The following SLC24A4 variants were observed in gnomAD, a reference collection of about 807,000 sequenced individuals.
SLC24A4 encodes the protein solute carrier family 24 member 4.
In SLC24A4, 53 loss-of-function variants were observed where a neutral mutation model predicts 79.0. That is an observed-to-expected ratio of 0.67 (90% confidence interval 0.54 to 0.84). The LOEUF (loss-of-function observed/expected upper bound fraction) is 0.84, where lower values mean the gene tolerates loss of function less well. Ranked by LOEUF, SLC24A4 falls within the 40% of genes least tolerant of loss-of-function variation. The pLI is 0.00. For synonymous variants in SLC24A4, 323 were observed against 323.8 expected (o/e 1.00, Z 0.03); for missense variants, 731 against 822.0 (o/e 0.89, Z 1.35).
At chr14:92,439,309 C>A (rs1308738745) in intron 3 of SLC24A4, 26 bp from the exon 4 acceptor site, 4 of 1,606,110 alleles carry the variant, frequency 2.5e-6, no homozygotes, top group Non-Finnish European at 2.6e-6. Context: ...CTCACCGACC[C>A]TGCCTGTCTC....
intron 10 of SLC24A4, 192 bp from the exon 11 acceptor site, chr14:92,453,708 G>A: frequency 1.8e-6 from 1 of 543,126 alleles, no homozygotes; most frequent in East Asian, 3.3e-5. Flanking sequence ...TAGGTCAGCA[G>A]GTGTTTCAAA....
chr14:92,431,569 A>G (rs1252841745), intron 2 of SLC24A4, among the ~76,000 whole-genome samples: 3 of 152,192 alleles, frequency 2.0e-5, no homozygotes, highest in Admixed American at 6.5e-5. Context: ...GATCCCGGCT[A>G]TCAGCAGCCA....
chr14:92,421,669 G>A (rs1057027143), intron 2 of SLC24A4, among the ~76,000 whole-genome samples: 3 of 151,824 alleles, frequency 2.0e-5, no homozygotes, highest in Non-Finnish European at 4.4e-5. Context: ...CATCATGCCC[G>A]GCTAATTTTT....
intron 8 of SLC24A4, among the ~76,000 whole-genome samples, chr14:92,446,511 A>G (rs1403459985): frequency 2.6e-5 from 4 of 152,146 alleles, no homozygotes; most frequent in African/African-American, 7.2e-5. Context: ...GCTGTGTGCT[A>G]TGGGCCCCCA....
intron 2 of SLC24A4, among the ~76,000 whole-genome samples, chr14:92,404,550 C>A (rs1470272358): frequency 6.6e-6 from 1 of 152,196 alleles, no homozygotes; most frequent in East Asian, 1.9e-4. Flanking sequence ...CATGTCAGCC[C>A]TGGCTGTTCC....
intron 2 of SLC24A4, among the ~76,000 whole-genome samples, chr14:92,375,058 G>A (rs944348464): frequency 6.6e-6 from 1 of 152,184 alleles, no homozygotes; most frequent in Admixed American, 6.6e-5. Context: ...AGCAAGACCA[G>A]AGAAACATGA....
In SLC24A4 at chr14:92,471,947, G is replaced by A. The variant is rs551591370; in HGVS notation, c.1256-10733G>A. ...AGTCACTTTCTGAAGTTAACAGTGT[G>A]TATTAGGTCTATGTTCTTATTTTCT... On this transcript the variant is annotated intron_variant, in intron 12 of 16. Coordinates refer to ENST00000532405, the MANE Select transcript of SLC24A4 (RefSeq NM_153646.4). Among the ~76,000 whole-genome samples the A allele has an allele frequency of 3.3e-5, 5 of 152,334 alleles. No individual in the cohort carries two copies. In the South Asian group the frequency reaches 8.3e-4, roughly 25 times the overall value.
chr14:92,358,090 A>C (rs1887283187), intron 2 of SLC24A4, among the ~76,000 whole-genome samples: 1 of 152,202 alleles, frequency 6.6e-6, no homozygotes. Flanking sequence ...AGACAGGGAA[A>C]TTAAAGTTGG....
In SLC24A4 at chr14:92,388,463, C is replaced by T. The variant is rs921903008; in HGVS notation, c.242-45449C>T. ...GTGGTTCTCCAAAGCTCCCAGTGGC[C>T]GACTCTCGATCTTCTTTTTGGTTAA... On this transcript the variant is annotated intron_variant, in intron 2 of 16. Transcript: ENST00000532405. Among the ~76,000 whole-genome samples, 23 of 105,414 alleles carry T rather than the reference C, an allele frequency of 2.2e-4. No individual in the cohort carries two copies. In the Middle Eastern group the frequency reaches 0.022, roughly 103 times the overall value. 69.2% of individuals were successfully genotyped at this position (105,414 alleles called of 152,430 possible).
At chr14:92,462,086 A>C (rs1483207201) in intron 12 of SLC24A4, 5 of 152,232 alleles carry the variant, frequency 3.3e-5, no homozygotes, top group African/African-American at 1.2e-4. Context: ...GGGCTCCCCG[A>C]GTCACACAGC....
chr14:92,378,354 G>A (rs1452052387), intron 2 of SLC24A4, among the ~76,000 whole-genome samples: 1 of 152,158 alleles, frequency 6.6e-6, no homozygotes, highest in Non-Finnish European at 1.5e-5. Flanking sequence ...CATAGACAGG[G>A]CCAAATGGTT....
At chr14:92,388,344 T>G (rs2141728271) in intron 2 of SLC24A4, among the ~76,000 whole-genome samples, 1 of 152,278 alleles carries the variant, frequency 6.6e-6, no homozygotes, top group Middle Eastern at 3.4e-3. Flanking sequence ...TTCCCAGTGG[T>G]GGGACTCAGG....
chr14:92,335,882 ACTGT>A (rs1001142795), intron 2 of SLC24A4, among the ~76,000 whole-genome samples: 2 of 152,198 alleles, frequency 1.3e-5, no homozygotes, highest in African/African-American at 4.8e-5. Context: ...CCAGCCTGTC[ACTGT>A]CTGAGTGCCC....
chr14:92,348,613 T>A (rs1242936720), intron 2 of SLC24A4, among the ~76,000 whole-genome samples: 1 of 152,222 alleles, frequency 6.6e-6, no homozygotes, highest in African/African-American at 2.4e-5. Context: ...GGACACACAG[T>A]AATTACTCTT....
At chr14:92,322,902 G>T (rs1428113003), upstream of SLC24A4, among the ~76,000 whole-genome samples, 1 of 152,178 alleles carries the variant, frequency 6.6e-6, no homozygotes, top group Non-Finnish European at 1.5e-5. Flanking sequence ...CCCCAGCGGT[G>T]CCATAACCTG....
chr14:92,498,620 C>T lies in SLC24A4; in HGVS notation c.*4992C>T, dbSNP rs1896018853. 1 of 151,970 alleles carries T rather than the reference C, an allele frequency of 6.6e-6. No homozygotes were observed. Among genetic ancestry groups the T allele is most frequent in the African/African-American group, 2.4e-5 (1 of 41,296 alleles). The allele number at this position is 151,970 out of a possible 1,614,324, so 9.4% of individuals were successfully genotyped here. ...TCAAGTGATTCTCCCACCTCAGCCT[C>T]TCTGGTAGCTGGGACTACAGGCACG... On this transcript the variant is annotated 3_prime_UTR_variant, in exon 17 of 17. Transcript: ENST00000532405.
chr14:92,341,474 A>G (rs1886138421), intron 2 of SLC24A4, among the ~76,000 whole-genome samples: 1 of 152,212 alleles, frequency 6.6e-6, no homozygotes, highest in Admixed American at 6.5e-5. Context: ...AATGGAGTAG[A>G]TAGAATGACT....
At chr14:92,362,897 G>T (rs1887617041) in intron 2 of SLC24A4, among the ~76,000 whole-genome samples, 1 of 152,232 alleles carries the variant, frequency 6.6e-6, no homozygotes, top group African/African-American at 2.4e-5. Flanking sequence ...AGCCAGTGCT[G>T]GATGCCTGCT....
intron 3 of SLC24A4, among the ~76,000 whole-genome samples, chr14:92,438,916 G>C (rs1046664711): frequency 6.6e-6 from 1 of 152,152 alleles, no homozygotes; most frequent in Non-Finnish European, 1.5e-5. Context: ...GGTCTTTCTG[G>C]TGACCTGCCC....
Sources: allele counts gnomAD v4.1 joint callset (sites outside exome capture counted in the v4.1 genomes callset), GRCh38; gene constraint gnomAD v4.1.1; transcripts MANE v1.5; gene names NCBI Gene and HGNC (gene_info 2026-07-23, HGNC 2026-07-21).